The following ZC2HC1B variants were observed in gnomAD, a reference collection of about 807,000 sequenced individuals.
ZC2HC1B encodes the protein zinc finger C2HC domain-containing protein 1B.
A neutral mutation model predicts 31.0 loss-of-function variants in ZC2HC1B; 36 were observed. The observed-to-expected ratio is 1.16, with a 90% CI of 0.89 to 1.54. ZC2HC1B has a LOEUF of 1.54. Among genes scored for constraint, ZC2HC1B ranks in the 40% most tolerant of loss-of-function variants. The pLI is 0.00. For synonymous variants in ZC2HC1B, 73 were observed against 88.0 expected, an observed-to-expected ratio of 0.83 and a Z score of 0.95; for missense variants, 260 against 268.6, an observed-to-expected ratio of 0.97 and a Z score of 0.22.
intron 1 of ZC2HC1B, among the ~76,000 whole-genome samples, chr6:143,879,116 T>C (rs912726399): frequency 1.3e-5 from 2 of 152,214 alleles, no homozygotes; most frequent in African/African-American, 4.8e-5. Context: ...CTCATTCGCC[T>C]GCCTCAGTTT....
rs752587676 is a variant in ZC2HC1B at position 143,868,224 on chromosome 6, G to A, written c.28+3657G>A. Among the ~76,000 whole-genome samples the A allele has an allele frequency of 2.6e-4, 39 of 152,142 alleles. No individual in the cohort carries two copies. The highest frequency in any genetic ancestry group is 4.3e-4 in the Non-Finnish European group (29 of 68,034). ...TTTTACTGAGTCTTTTAAATCAGAA[G>A]GTGTATTAGGGTTCTCTAGAGGGAT... On this transcript the variant is annotated intron_variant, in intron 1 of 7. Transcript: ENST00000237275. This position sits in a 1 kb window ranked among gnomAD's most constrained non-coding sequence, Gnocchi z 4.2.
chr6:143,872,662 T>C lies in ZC2HC1B; in HGVS notation c.28+8095T>C, dbSNP rs904543826. On this transcript the variant is annotated intron_variant, in intron 1 of 7. Transcript: ENST00000237275. The surrounding 1 kb of genome is among the most constrained non-coding windows in gnomAD (Gnocchi z 5.5). Reference sequence around the variant, plus strand: ...CATGGCTGGGGAGGCCTCAGAATCATGGCAGAAGGCAAAAGGCACTACTTA... The same window carrying C: ...CATGGCTGGGGAGGCCTCAGAATCACGGCAGAAGGCAAAAGGCACTACTTA... Among the ~76,000 whole-genome samples, 15 of 152,176 alleles carry C rather than the reference T, an allele frequency of 9.9e-5. No individual in the cohort carries two copies. The highest frequency in any genetic ancestry group is 1.8e-4 in the Non-Finnish European group (12 of 68,036).
rs1381615296 is a variant in ZC2HC1B at position 143,869,232 on chromosome 6, A to G, written c.28+4665A>G. On this transcript the variant is annotated intron_variant, in intron 1 of 7. Transcript: ENST00000237275. This position sits in a 1 kb window ranked among gnomAD's most constrained non-coding sequence, Gnocchi z 5.2. ...ACATGGTAATACTAAGAGACACCCT[A>G]ATAGATCTCCTGTATTCCATGCCTA... 6.6e-6 allele frequency among the ~76,000 whole-genome samples: 1 copy of G among 152,192 alleles called. No individual in the cohort carries two copies. Among genetic ancestry groups the G allele is most frequent in the African/African-American group, 2.4e-5 (1 of 41,442 alleles).
At chr6:143,877,278 T>TTC (rs1159139270) in intron 1 of ZC2HC1B, among the ~76,000 whole-genome samples, 31 of 114,762 alleles carry the variant, frequency 2.7e-4, no homozygotes, top group African/African-American at 8.7e-4. Context: ...ATTTCTTTTT[T>TTC]TTTTTTTTTT....
Position 143,937,528 on chromosome 6 carries a change from C to T in ZC2HC1B, c.599-121C>T, listed in dbSNP as rs1778192959. ...CCCTCCCCACCACACTCCCCCACCT[C>T]CCACCAAAAAAAAGGAAGAATAGAA... On this transcript the variant is annotated intron_variant, in intron 6 of 7. Coordinates refer to ENST00000237275, the MANE Select transcript of ZC2HC1B (RefSeq NM_001013623.3). The T allele has an allele frequency of 8.7e-6, 5 of 577,200 alleles. No individual in the cohort carries two copies. The South Asian group carries it at 1.2e-4, about 13-fold the overall frequency. The allele number at this position is 577,200 out of a possible 1,614,324, so 35.8% of individuals were successfully genotyped here.
In ZC2HC1B at chr6:143,886,622, CA is replaced by C; in HGVS notation, c.211-57del. The C allele has an allele frequency of 1.5e-6, 2 of 1,376,134 alleles. No homozygotes were observed. The highest frequency in any genetic ancestry group is 1.9e-6 in the Non-Finnish European group (2 of 1,058,618). 85.2% of individuals were successfully genotyped at this position (1,376,134 alleles called of 1,614,324 possible). ...TGTGAATTCAAATTCCAGCTTTAAACAAAATTGTAATGGAGAGGTATATAGT... is the reference window on the plus strand; with the variant it reads ...TGTGAATTCAAATTCCAGCTTTAAACAAATTGTAATGGAGAGGTATATAGT... On this transcript the variant is annotated intron_variant, in intron 3 of 7. Coordinates refer to ENST00000237275, the MANE Select transcript of ZC2HC1B (RefSeq NM_001013623.3). This position sits in a 1 kb window ranked among gnomAD's most constrained non-coding sequence, Gnocchi z 4.2.
intron 6 of ZC2HC1B, among the ~76,000 whole-genome samples, chr6:143,931,971 T>C (rs1015673344): frequency 6.6e-5 from 10 of 151,900 alleles, no homozygotes; most frequent in African/African-American, 1.9e-4. Flanking sequence ...TTCAAGCGAT[T>C]CTCCTGCTTC....
chr6:143,902,759 A>T (rs1232723328), intron 5 of ZC2HC1B, among the ~76,000 whole-genome samples: 1 of 152,222 alleles, frequency 6.6e-6, no homozygotes, highest in Non-Finnish European at 1.5e-5. Context: ...ATGTCTCCAT[A>T]CAACTAATTT....
intron 5 of ZC2HC1B, among the ~76,000 whole-genome samples, chr6:143,901,507 G>T (rs1021498790): frequency 7.9e-5 from 12 of 151,890 alleles, no homozygotes; most frequent in African/African-American, 2.9e-4. Flanking sequence ...TGATCTGCCT[G>T]CCTTGGTCTC....
chr6:143,922,494 C>T lies in ZC2HC1B; in HGVS notation c.599-15155C>T, dbSNP rs531962416. Among the ~76,000 whole-genome samples, 83 of 152,296 alleles carry T rather than the reference C, an allele frequency of 5.4e-4. No individual in the cohort carries two copies. In the East Asian group the frequency reaches 6.8e-3, roughly 12 times the overall value. ...CACCCTGCCACACACATACCCTTCC[C>T]GTCCTCTAGTAACTATCATTCTATT... On this transcript the variant is annotated intron_variant, in intron 6 of 7. Transcript: ENST00000237275. The surrounding 1 kb of genome is among the most constrained non-coding windows in gnomAD (Gnocchi z 5.0).
At chr6:143,920,741 C>T (rs924570113) in intron 6 of ZC2HC1B, among the ~76,000 whole-genome samples, 1 of 151,938 alleles carries the variant, frequency 6.6e-6, no homozygotes, top group Non-Finnish European at 1.5e-5. Flanking sequence ...AACCCCGTCT[C>T]TACTAAAAAT....
intron 1 of ZC2HC1B, among the ~76,000 whole-genome samples, chr6:143,866,012 CGCCATGTTG>C: frequency 6.6e-6 from 1 of 152,276 alleles, no homozygotes; most frequent in African/African-American, 2.4e-5. Context: ...GACAGGGTTT[CGCCATGTTG>C]GCCAGGCTGG....
intron 5 of ZC2HC1B, among the ~76,000 whole-genome samples, chr6:143,902,401 C>G (rs1777747675): frequency 6.6e-6 from 1 of 152,170 alleles, no homozygotes; most frequent in Admixed American, 6.5e-5. Flanking sequence ...TGAGCTGCCT[C>G]CTATAGTCTC....
In ZC2HC1B at chr6:143,918,100, G is replaced by A. The variant is rs1777939457; in HGVS notation, c.598+14948G>A. Reference sequence around the variant, plus strand: ...TGCAGGACTCCCTTGAGTATTTCTTGCAGGGCAGGTCTCATGATAATGAAC... The same window carrying A: ...TGCAGGACTCCCTTGAGTATTTCTTACAGGGCAGGTCTCATGATAATGAAC... On this transcript the variant is annotated intron_variant, in intron 6 of 7. Coordinates refer to ENST00000237275, the MANE Select transcript of ZC2HC1B (RefSeq NM_001013623.3). The surrounding 1 kb of genome is among the most constrained non-coding windows in gnomAD (Gnocchi z 4.1). Among the ~76,000 whole-genome samples, 1 of 152,142 alleles carries A rather than the reference G, an allele frequency of 6.6e-6. No individual in the cohort carries two copies. The highest frequency in any genetic ancestry group is 2.4e-5 in the African/African-American group (1 of 41,432).
chr6:143,907,518 T>C (rs138041910), intron 6 of ZC2HC1B, among the ~76,000 whole-genome samples: 65 of 152,362 alleles, frequency 4.3e-4, no homozygotes, highest in African/African-American at 1.6e-3. Context: ...GATTTGCATT[T>C]CTCTAATGTT....
At chr6:143,897,861 C>T (rs1020763553) in intron 4 of ZC2HC1B, among the ~76,000 whole-genome samples, 1 of 152,216 alleles carries the variant, frequency 6.6e-6, no homozygotes, top group Non-Finnish European at 1.5e-5. Flanking sequence ...ACAACCTATG[C>T]TTTTGAATAT....
intron 1 of ZC2HC1B, among the ~76,000 whole-genome samples, chr6:143,878,372 G>C (rs1777432188): frequency 6.6e-6 from 1 of 150,774 alleles, no homozygotes; most frequent in South Asian, 2.2e-4. Context: ...CAGCTACTCA[G>C]GAGGCTGAGG....
intron 6 of ZC2HC1B, among the ~76,000 whole-genome samples, chr6:143,909,117 C>G (rs887446766): frequency 2.0e-5 from 3 of 152,226 alleles, no homozygotes; most frequent in Non-Finnish European, 2.9e-5. Context: ...AGGGATGAAG[C>G]CTACTGAATT....
rs1285376748 is a variant in ZC2HC1B, at chr6:143,870,921, AC to A, written c.28+6358del. ...GTTGTAGAGCCTTCTCCTGTTCTGGACCCCACTCAAAACTGGCAGCTTCAGG... is the reference window on the plus strand; with the variant it reads ...GTTGTAGAGCCTTCTCCTGTTCTGGACCCACTCAAAACTGGCAGCTTCAGG... On this transcript the variant is annotated intron_variant, in intron 1 of 7. Coordinates refer to ENST00000237275, the MANE Select transcript of ZC2HC1B (RefSeq NM_001013623.3). This position sits in a 1 kb window ranked among gnomAD's most constrained non-coding sequence, Gnocchi z 4.7. 9.2e-5 allele frequency among the ~76,000 whole-genome samples: 14 copies of A among 152,012 alleles called. No individual in the cohort carries two copies. The highest frequency in any genetic ancestry group is 7.9e-4 in the Admixed American group (12 of 15,248).
Sources: gnomAD v4.1 joint callset for allele counts (sites outside exome capture counted in the v4.1 genomes callset) on GRCh38, gnomAD v4.1.1 for gene constraint, Gnocchi (gnomAD v3.1) non-coding constraint, MANE v1.5 for transcripts, NCBI Gene and HGNC (gene_info 2026-07-23, HGNC 2026-07-21) for gene names.